GLB1: variants seen among roughly 807,000 people sequenced by gnomAD.
GLB1 encodes beta-galactosidase.
GLB1 carries 56 observed loss-of-function variants against 74.0 expected under a neutral mutation model. That is an observed-to-expected ratio of 0.76 (90% CI 0.61 to 0.94). The LOEUF (loss-of-function observed/expected upper bound fraction) is 0.94, where lower values mean the gene tolerates loss of function less well. Among genes scored for constraint, GLB1 ranks in the 40% least tolerant of loss-of-function variants. The pLI, the probability that GLB1 is intolerant of heterozygous loss-of-function variation, is 0.00. For synonymous variants in GLB1, 323 were observed against 323.6 expected, an observed-to-expected ratio of 1.00 and a Z score of 0.02; for missense variants, 787 against 845.5, an observed-to-expected ratio of 0.93 and a Z score of 0.86.
chr3:32,980,692 A>C, the GLB1 span, among the ~76,000 whole-genome samples: 4 of 152,010 alleles, frequency 2.6e-5, no homozygotes, highest in African/African-American at 9.7e-5. Context: ...AAGGTAGGAG[A>C]ATTGCTTGAA....
intron 4 of GLB1, among the ~76,000 whole-genome samples, chr3:33,065,779 C>A (rs1699647979): frequency 6.6e-6 from 1 of 151,992 alleles, no homozygotes; most frequent in South Asian, 2.1e-4. Context: ...ACCAGCCTGA[C>A]CAACATGGAG....
chr3:33,093,716 C>T lies in GLB1; in HGVS notation c.75+3295G>A, dbSNP rs375299358. ...CCAGGGCAGGCCTGAGCACGAGCTT[C>T]CTTGTCTTCTCAAGGCTGCCCACGA... On this transcript the variant is annotated intron_variant, in intron 1 of 15. Coordinates refer to ENST00000307363, the MANE Select transcript of GLB1 (RefSeq NM_000404.4). The surrounding 1 kb of genome is among the most constrained non-coding windows in gnomAD (Gnocchi z 6.0). 14 of 1,614,010 alleles carry T rather than the reference C, an allele frequency of 8.7e-6. No homozygotes were observed. In the South Asian group the frequency reaches 1.1e-4, roughly 13 times the overall value.
the GLB1 span, among the ~76,000 whole-genome samples, chr3:32,970,884 A>G: frequency 1.3e-5 from 2 of 152,338 alleles, no homozygotes; most frequent in East Asian, 1.9e-4. Flanking sequence ...AATCGGAGAG[A>G]GAAAAAGAAA....
chr3:32,988,035 C>T, the GLB1 span, among the ~76,000 whole-genome samples: 2 of 151,638 alleles, frequency 1.3e-5, no homozygotes, highest in Non-Finnish European at 2.9e-5. Flanking sequence ...AAATACAACA[C>T]AATTAGCTGG....
Position 33,097,000 on chromosome 3 carries a change from C to T in GLB1, c.75+11G>A. The T allele has an allele frequency of 6.2e-7, 1 of 1,610,980 alleles. No individual in the cohort carries two copies. ...GCAATGCCTCCCCGTACCCGGGTCCCGCAGACTTACGCGCAAGCCGCGCGT... is the reference window on the plus strand; with the variant it reads ...GCAATGCCTCCCCGTACCCGGGTCCTGCAGACTTACGCGCAAGCCGCGCGT... On this transcript the variant is annotated intron_variant, in intron 1 of 15. Coordinates refer to ENST00000307363, the MANE Select transcript of GLB1 (RefSeq NM_000404.4).
chr3:33,023,663 TCCTCTGACTATTAAGTAAAA>T (rs1380246113), intron 11 of GLB1, among the ~76,000 whole-genome samples: 2 of 152,162 alleles, frequency 1.3e-5, no homozygotes, highest in East Asian at 3.9e-4. Flanking sequence ...GCTATGTCAC[TCCTCTGACTATTAAGTAAAA>T]CCTCTCTTCT....
At chr3:33,039,644 C>T (rs1168817483) in intron 10 of GLB1, among the ~76,000 whole-genome samples, 3 of 152,190 alleles carry the variant, frequency 2.0e-5, no homozygotes, top group South Asian at 4.1e-4. Context: ...GAAAAAACGT[C>T]TAACACACAT....
intron 12 of GLB1, 171 bp downstream of exon 12, chr3:33,021,395 C>T (rs373921098): frequency 1.5e-4 from 117 of 759,026 alleles, no homozygotes; most frequent in Admixed American, 8.3e-4. Context: ...CAGCCCACCA[C>T]GCAGCACTTC....
chr3:33,026,854 A>T (rs1192142681), intron 10 of GLB1, among the ~76,000 whole-genome samples: 3 of 152,216 alleles, frequency 2.0e-5, no homozygotes, highest in African/African-American at 7.2e-5. Context: ...GAGACAAGCT[A>T]TCCACTGTGG....
intron 1 of GLB1, among the ~76,000 whole-genome samples, chr3:33,086,277 C>T (rs1295678670): frequency 6.6e-6 from 1 of 151,976 alleles, no homozygotes; most frequent in Non-Finnish European, 1.5e-5. Flanking sequence ...GGTATCAGAT[C>T]ATTATGCTAT....
the GLB1 span, among the ~76,000 whole-genome samples, chr3:32,975,344 C>T: frequency 6.6e-6 from 1 of 152,286 alleles, no homozygotes; most frequent in Admixed American, 6.5e-5. Context: ...CTTGACCTCC[C>T]AAAGTGCTGG....
intron 1 of GLB1, among the ~76,000 whole-genome samples, chr3:33,089,857 A>G (rs1046227764): frequency 3.3e-5 from 5 of 152,232 alleles, no homozygotes; most frequent in African/African-American, 9.6e-5. Context: ...TATACCTAAC[A>G]CTGTTGAACT....
chr3:33,001,173 TCTTCTC>T (rs1275708883), intron 15 of GLB1, among the ~76,000 whole-genome samples: 11 of 151,896 alleles, frequency 7.2e-5, no homozygotes, highest in South Asian at 2.1e-4. Flanking sequence ...TCTCCTCTCC[TCTTCTC>T]CTTCTCCTTC....
chr3:32,994,919 TCAAAAAAAAAAA>T (rs774917621), downstream of GLB1, among the ~76,000 whole-genome samples: 10 of 80,432 alleles, frequency 1.2e-4, no homozygotes, highest in South Asian at 5.3e-3. Flanking sequence ...AGACTCTGTT[TCAAAAAAAAAAA>T]AAAAAAAAAA....
At chr3:32,971,091 C>G in the GLB1 span, among the ~76,000 whole-genome samples, 1 of 152,226 alleles carries the variant, frequency 6.6e-6, no homozygotes, top group Non-Finnish European at 1.5e-5. Context: ...GATGCCCGGA[C>G]TGTAACATTC....
downstream of GLB1, among the ~76,000 whole-genome samples, chr3:32,991,894 C>T (rs540356649): frequency 6.6e-6 from 1 of 152,358 alleles, no homozygotes; most frequent in South Asian, 2.1e-4. Context: ...GAATCGTGTG[C>T]ATAACAAAAT....
At chr3:33,029,309 C>G (rs1333600263) in intron 10 of GLB1, among the ~76,000 whole-genome samples, 1 of 152,188 alleles carries the variant, frequency 6.6e-6, no homozygotes. Context: ...ACACGGGAAG[C>G]TGCTCTTTTC....
chr3:33,091,437 G>C, intron 1 of GLB1: 1 of 985,526 alleles, frequency 1.0e-6, no homozygotes, highest in Non-Finnish European at 1.2e-6. Flanking sequence ...CCCAGCAGCA[G>C]GCAGCTCGCT....
At chr3:33,067,744 T>C (rs1699742916) in intron 4 of GLB1, among the ~76,000 whole-genome samples, 1 of 152,244 alleles carries the variant, frequency 6.6e-6, no homozygotes, top group Non-Finnish European at 1.5e-5. Flanking sequence ...CAAAGCCTAA[T>C]TTCCTAGAGG....
Sources: allele counts gnomAD v4.1 joint callset (sites outside exome capture counted in the v4.1 genomes callset), GRCh38; gene constraint gnomAD v4.1.1; non-coding constraint Gnocchi (gnomAD v3.1); transcripts MANE v1.5; gene names NCBI Gene and HGNC (gene_info 2026-07-23, HGNC 2026-07-21).